Variants in ROBO2 observed in about 807,000 individuals in gnomAD.
ROBO2 encodes roundabout guidance receptor 2, also known as roundabout homolog 2.
Under a neutral mutation model 160.8 loss-of-function variants are expected in ROBO2, and 53 were observed. The ratio of observed to expected loss-of-function variants is 0.33; its 90% CI spans 0.26 to 0.41. ROBO2 has a LOEUF of 0.41. Among genes scored for constraint, ROBO2 ranks in the 10% least tolerant of loss-of-function variants. The pLI, the probability that ROBO2 is intolerant of heterozygous loss-of-function variation, is 1.00. For missense variants in ROBO2, 1,577 were observed against 1,722.4 expected (o/e 0.92, Z 1.49); for synonymous variants, 664 against 611.7 (o/e 1.09, Z -1.26).
At chr3:77,530,885 C>T (rs2091667666) in intron 6 of ROBO2, among the ~76,000 whole-genome samples, 1 of 151,934 alleles carries the variant, frequency 6.6e-6, no homozygotes, top group Admixed American at 6.6e-5. Context: ...AGAAAATGGT[C>T]TAAATTGGGA....
At chr3:76,014,181 G>A (rs988282765) in intron 2 of ROBO2, among the ~76,000 whole-genome samples, 2 of 138,246 alleles carry the variant, frequency 1.4e-5, no homozygotes, top group Non-Finnish European at 3.0e-5. Flanking sequence ...GACTGGGCAC[G>A]GTGGTCTATG....
chr3:76,323,720 T>C (rs1559763964), intron 2 of ROBO2, among the ~76,000 whole-genome samples: 1 of 152,186 alleles, frequency 6.6e-6, no homozygotes, highest in Non-Finnish European at 1.5e-5. Flanking sequence ...CATTTGGAAA[T>C]TGGTTTTTGG....
At chr3:76,330,218 G>T (rs2073376543) in intron 2 of ROBO2, among the ~76,000 whole-genome samples, 1 of 152,130 alleles carries the variant, frequency 6.6e-6, no homozygotes, top group Admixed American at 6.5e-5. Flanking sequence ...AGATTAGCAG[G>T]GGAGATAGAG....
At chr3:76,938,202 A>G (rs1046865246) in intron 2 of ROBO2, among the ~76,000 whole-genome samples, 2 of 152,084 alleles carry the variant, frequency 1.3e-5, no homozygotes, top group Non-Finnish European at 2.9e-5. Flanking sequence ...CTGAAAATAC[A>G]AAATTTAGCT....
intron 2 of ROBO2, among the ~76,000 whole-genome samples, chr3:76,460,942 T>C (rs1577355397): frequency 6.6e-6 from 1 of 152,148 alleles, no homozygotes; most frequent in Non-Finnish European, 1.5e-5. Flanking sequence ...TGGAAAAGAA[T>C]AGACAATACA....
At chr3:77,482,197 T>C (rs957656649) in intron 4 of ROBO2, among the ~76,000 whole-genome samples, 14 of 152,302 alleles carry the variant, frequency 9.2e-5, no homozygotes, top group Non-Finnish European at 1.6e-4. Context: ...AAAAATATCA[T>C]TGTGATTTTC....
intron 2 of ROBO2, among the ~76,000 whole-genome samples, chr3:76,350,686 T>C (rs2074818404): frequency 6.6e-6 from 1 of 152,016 alleles, no homozygotes; most frequent in Non-Finnish European, 1.5e-5. Context: ...ATTTTTAATC[T>C]TATATATAAA....
At chr3:76,289,802 G>C (rs1415786858) in intron 2 of ROBO2, among the ~76,000 whole-genome samples, 1 of 152,052 alleles carries the variant, frequency 6.6e-6, no homozygotes, top group Non-Finnish European at 1.5e-5. Context: ...GATGGTTGTA[G>C]GTGTGTGGCT....
chr3:76,155,760 C>T lies in ROBO2; in HGVS notation c.109+218158C>T, dbSNP rs181269280. ...ATTTTACCATAATATGATTCTAAACCGCATTTTATAAATATTCAATGTAAA... is the reference window on the plus strand; with the variant it reads ...ATTTTACCATAATATGATTCTAAACTGCATTTTATAAATATTCAATGTAAA... On this transcript the variant is annotated intron_variant, in intron 2 of 26. Transcript: ENST00000487694. Among the ~76,000 whole-genome samples the T allele has an allele frequency of 2.2e-3, 341 of 152,130 alleles. 1 individual carries two copies. The highest frequency in any genetic ancestry group is 7.8e-3 in the African/African-American group (325 of 41,500).
intron 2 of ROBO2, among the ~76,000 whole-genome samples, chr3:76,831,359 A>G (rs946874202): frequency 2.6e-5 from 4 of 152,188 alleles, no homozygotes; most frequent in African/African-American, 7.2e-5. Flanking sequence ...TTGAAAACAC[A>G]TTACTGATTT....
chr3:76,283,727 T>G (rs1708365869), intron 2 of ROBO2, among the ~76,000 whole-genome samples: 1 of 152,036 alleles, frequency 6.6e-6, no homozygotes, highest in South Asian at 2.1e-4. Flanking sequence ...TGAGATGTAC[T>G]CTTGGCTTCT....
At chr3:76,901,792 C>A (rs945118479) in intron 2 of ROBO2, among the ~76,000 whole-genome samples, 1 of 151,840 alleles carries the variant, frequency 6.6e-6, no homozygotes, top group African/African-American at 2.4e-5. Context: ...TTCATATATG[C>A]AACTAACATA....
At chr3:76,774,214 T>G (rs1240470139) in intron 2 of ROBO2, among the ~76,000 whole-genome samples, 1 of 150,978 alleles carries the variant, frequency 6.6e-6, no homozygotes, top group Non-Finnish European at 1.5e-5. Context: ...GACTGTGTAT[T>G]TCTAATGTAT....
chr3:76,357,257 G>T (rs2075227825), intron 2 of ROBO2, among the ~76,000 whole-genome samples: 1 of 151,910 alleles, frequency 6.6e-6, no homozygotes, highest in African/African-American at 2.4e-5. Context: ...ACCAAATACT[G>T]CATGTTCTCA....
intron 2 of ROBO2, among the ~76,000 whole-genome samples, chr3:77,028,119 C>T (rs2063089072): frequency 6.6e-6 from 1 of 152,102 alleles, no homozygotes; most frequent in Admixed American, 6.6e-5. Context: ...TGTGGCAAAT[C>T]AACAAGGAAT....
intron 2 of ROBO2, among the ~76,000 whole-genome samples, chr3:76,093,515 ATATT>A (rs1421173658): frequency 2.7e-5 from 4 of 148,210 alleles, no homozygotes; most frequent in South Asian, 2.1e-4. Context: ...TTATACATAT[ATATT>A]AGGCACAATA....
chr3:76,419,719 C>G (rs1430711381), intron 2 of ROBO2, among the ~76,000 whole-genome samples: 1 of 152,028 alleles, frequency 6.6e-6, no homozygotes. Context: ...TCAAATGCAT[C>G]AGGGCGATTT....
At chr3:77,350,652 G>A (rs2068229434) in intron 2 of ROBO2, among the ~76,000 whole-genome samples, 1 of 152,156 alleles carries the variant, frequency 6.6e-6, no homozygotes, top group Non-Finnish European at 1.5e-5. Context: ...TTAGGGAATA[G>A]TGGGTCAAGG....
intron 2 of ROBO2, among the ~76,000 whole-genome samples, chr3:76,799,455 G>A (rs914142210): frequency 2.0e-5 from 3 of 151,416 alleles, no homozygotes; most frequent in Non-Finnish European, 2.9e-5. Flanking sequence ...CAGTTGATAT[G>A]TTCTTATATT....
Sources: gnomAD v4.1 joint callset for allele counts (sites outside exome capture counted in the v4.1 genomes callset) on GRCh38, gnomAD v4.1.1 for gene constraint, MANE v1.5 for transcripts, NCBI Gene and HGNC (gene_info 2026-07-23, HGNC 2026-07-21) for gene names.